Variants in SHQ1 observed in about 807,000 individuals in gnomAD.
SHQ1 encodes protein SHQ1 homolog.
In SHQ1, 49 loss-of-function variants were observed where a neutral mutation model predicts 53.8. The ratio of observed to expected loss-of-function variants is 0.91; its 90% confidence interval spans 0.72 to 1.16. SHQ1 has a LOEUF of 1.16. Ranked by LOEUF, SHQ1 falls within the 50% of genes most tolerant of loss-of-function variation. The pLI, the probability that SHQ1 is intolerant of heterozygous loss-of-function variation, is 0.00. For missense variants in SHQ1, 738 were observed against 683.1 expected, an observed-to-expected ratio of 1.08 and a Z score of -0.90; for synonymous variants, 243 against 251.0, an observed-to-expected ratio of 0.97 and a Z score of 0.30.
chr3:72,792,819 T>G, intron 10 of SHQ1, 97 bp downstream of exon 10: 2 of 514,828 alleles, frequency 3.9e-6, no homozygotes, highest in Non-Finnish European at 6.8e-6. Context: ...AAACACAACT[T>G]ACTCCTCAGG....
the SHQ1 span, among the ~76,000 whole-genome samples, chr3:72,726,038 CAGG>C: frequency 6.6e-6 from 1 of 152,112 alleles, no homozygotes; most frequent in African/African-American, 2.4e-5. Context: ...GAGGCCAAGG[CAGG>C]AGGATTGCTT....
chr3:72,812,577 T>A (rs1707157778), intron 9 of SHQ1, 94 bp downstream of exon 9: 1 of 1,374,044 alleles, frequency 7.3e-7, no homozygotes, highest in South Asian at 1.3e-5. Context: ...CTTATTTATA[T>A]ACAGTAAAAA....
At chr3:72,734,410 C>T in the SHQ1 span, among the ~76,000 whole-genome samples, 2 of 150,916 alleles carry the variant, frequency 1.3e-5, no homozygotes, top group Non-Finnish European at 3.0e-5. Flanking sequence ...AGCATGCCAC[C>T]ATGCCCAGCT....
chr3:72,735,875 T>C, the SHQ1 span, among the ~76,000 whole-genome samples: 1 of 150,976 alleles, frequency 6.6e-6, no homozygotes. Flanking sequence ...TCTCAAACAA[T>C]GTCAAATGTG....
chr3:72,842,200 T>C lies in SHQ1; in HGVS notation c.331+80A>G. 3 of 1,499,960 alleles carry C rather than the reference T, an allele frequency of 2.0e-6. No individual in the cohort carries two copies. In the South Asian group the frequency reaches 3.5e-5, roughly 18 times the overall value. 92.9% of individuals were successfully genotyped at this position (1,499,960 alleles called of 1,614,324 possible). On this transcript the variant is annotated intron_variant, in intron 3 of 10. Transcript: ENST00000325599. ...ATTTTCTTCAATTTCCTATTCACTA[T>C]ATCCCATTTCCCCTACAAATACACA...
chr3:72,729,875 T>G, the SHQ1 span, among the ~76,000 whole-genome samples: 9 of 152,250 alleles, frequency 5.9e-5, no homozygotes, highest in East Asian at 5.8e-4. Context: ...TGGAGTGCAG[T>G]GGCGCGATCT....
intron 10 of SHQ1, among the ~76,000 whole-genome samples, chr3:72,785,749 T>C (rs1163877557): frequency 1.3e-5 from 2 of 152,224 alleles, no homozygotes; most frequent in Non-Finnish European, 2.9e-5. Context: ...TGATGTTATT[T>C]TCCCAGCTTG....
intron 10 of SHQ1, among the ~76,000 whole-genome samples, chr3:72,785,203 C>T (rs372302146): frequency 2.6e-5 from 4 of 152,190 alleles, no homozygotes; most frequent in South Asian, 2.1e-4. Flanking sequence ...AAGAGCAAGC[C>T]GAATGCCTCA....
At chr3:72,798,041 G>A (rs949492152) in intron 9 of SHQ1, among the ~76,000 whole-genome samples, 5 of 152,188 alleles carry the variant, frequency 3.3e-5, no homozygotes, top group East Asian at 1.9e-4. Context: ...CAAAGTACAC[G>A]GTTCCTGTGG....
At chr3:72,739,370 T>G in the SHQ1 span, among the ~76,000 whole-genome samples, 1 of 151,946 alleles carries the variant, frequency 6.6e-6, no homozygotes. Context: ...GAACACACGC[T>G]GCGATGCACC....
chr3:72,772,524 C>T (rs925806954), intron 10 of SHQ1: 10 of 629,600 alleles, frequency 1.6e-5, no homozygotes, highest in Non-Finnish European at 3.0e-5. Flanking sequence ...TATGACAAGT[C>T]GTACACAACC....
the SHQ1 span, among the ~76,000 whole-genome samples, chr3:72,734,658 C>T: frequency 2.7e-3 from 411 of 151,538 alleles, 8 homozygotes; most frequent in Non-Finnish European, 4.9e-3. Context: ...AGCAATTCAC[C>T]CCTAATAAAT....
At chr3:72,820,259 C>T (rs1707437534) in intron 6 of SHQ1, among the ~76,000 whole-genome samples, 1 of 152,188 alleles carries the variant, frequency 6.6e-6, no homozygotes, top group African/African-American at 2.4e-5. Flanking sequence ...AGTATTTCTA[C>T]ATTAGTCATT....
intron 9 of SHQ1, chr3:72,793,257 C>A: frequency 2.8e-6 from 1 of 362,176 alleles, no homozygotes; most frequent in Non-Finnish European, 5.0e-6. Flanking sequence ...CCTGTAATTC[C>A]AGCACTTTGG....
chr3:72,763,022 TACACACACACACACAC>T (rs35278618), intron 10 of SHQ1, among the ~76,000 whole-genome samples: 17 of 132,742 alleles, frequency 1.3e-4, no homozygotes, highest in East Asian at 6.2e-4. Context: ...CATCTTGTTT[TACACACACACACACAC>T]ACACACACAC....
At chr3:72,825,581 T>C (rs577811341) in intron 5 of SHQ1, among the ~76,000 whole-genome samples, 1 of 152,322 alleles carries the variant, frequency 6.6e-6, no homozygotes, top group Admixed American at 6.5e-5. Flanking sequence ...ACATTCAAAA[T>C]ACACCTCTCA....
the SHQ1 span, among the ~76,000 whole-genome samples, chr3:72,726,906 G>A: frequency 1.3e-5 from 2 of 152,158 alleles, no homozygotes; most frequent in African/African-American, 4.8e-5. Context: ...AGCTATTTGT[G>A]TTATAGGCAA....
At position 72,848,353 on chromosome 3, in the gene SHQ1, C is replaced by T. The variant is rs1414876337; in HGVS notation, c.-13G>A. 6.2e-7 allele frequency: 1 copy of T among 1,613,224 alleles called. No homozygotes were observed. The highest frequency in any genetic ancestry group is 2.2e-5 in the East Asian group (1 of 44,826). ...CCGGGGTCAGCATCGCCGCACCGGA[C>T]GCAAGGGCCGGCGCCGCTCGCTCTC... On this transcript the variant is annotated 5_prime_UTR_variant, in exon 1 of 11. Transcript: ENST00000325599.
At chr3:72,819,914 A>G (rs1048533532) in intron 6 of SHQ1, among the ~76,000 whole-genome samples, 1 of 152,180 alleles carries the variant, frequency 6.6e-6, no homozygotes, top group Non-Finnish European at 1.5e-5. Context: ...ACCTGACAAA[A>G]TATTTTATGA....
Sources: allele counts gnomAD v4.1 joint callset (sites outside exome capture counted in the v4.1 genomes callset), GRCh38; gene constraint gnomAD v4.1.1; transcripts MANE v1.5; gene names NCBI Gene and HGNC (gene_info 2026-07-23, HGNC 2026-07-21).